GAREM2: variants seen among roughly 807,000 people sequenced by gnomAD.
The protein encoded by GAREM2 is GRB2 associated regulator of MAPK1 subtype 2, also known as GRB2-associated and regulator of MAPK protein 2.
In GAREM2, 30 loss-of-function variants were observed where a neutral mutation model predicts 55.6. The observed-to-expected ratio is 0.54, with a 90% CI of 0.40 to 0.73. GAREM2 has a LOEUF of 0.73. Among genes scored for constraint, GAREM2 ranks in the 30% least tolerant of loss-of-function variants. The pLI is 0.00. For synonymous variants in GAREM2, 550 were observed against 569.1 expected, an observed-to-expected ratio of 0.97 and a Z score of 0.48; for missense variants, 1,075 against 1,257.7, an observed-to-expected ratio of 0.85 and a Z score of 2.20.
chr2:26,184,844 CG>C lies in GAREM2; in HGVS notation c.1000del (p.Asp334ThrfsTer64), dbSNP rs1415496711. 1 of 1,474,306 alleles carries C rather than the reference CG, an allele frequency of 6.8e-7. No homozygotes were observed. Among genetic ancestry groups the C allele is most frequent in the Non-Finnish European group, 8.9e-7 (1 of 1,121,458 alleles). 91.3% of individuals were successfully genotyped at this position (1,474,306 alleles called of 1,614,324 possible). The part of the protein sequence containing the change: ...RFALPQGLLA[G>X]DPRVERLVRD... ...TCGCGCTGCCGCAGGGCCTGCTGGCCGGGGACCCGCGCGTCGAGCGCCTGGT... is the reference window on the plus strand; with the variant it reads ...TCGCGCTGCCGCAGGGCCTGCTGGCCGGGACCCGCGCGTCGAGCGCCTGGT... On this transcript the variant is annotated frameshift_variant, in exon 4 of 6. Transcript: ENST00000401533. LOFTEE classifies it high-confidence loss of function.
chr2:26,173,641 C>T (rs1164077012), intron 1 of GAREM2, among the ~76,000 whole-genome samples: 1 of 146,852 alleles, frequency 6.8e-6, no homozygotes, highest in Non-Finnish European at 1.5e-5. Context: ...GCCCCCCTTT[C>T]CCCCGCTGCC....
At chr2:26,201,096 C>CT in the GAREM2 span, 2 of 1,355,304 alleles carry the variant, frequency 1.5e-6, no homozygotes, top group African/African-American at 1.4e-5. Flanking sequence ...AAAAAAATCT[C>CT]TGTGTTTTCT....
Position 26,187,311 on chromosome 2 carries a change from G to A in GAREM2, c.1679G>A (p.Cys560Tyr). ...LYCYPCTWGD[C>Y]KVGESSSRPA... ...TGCTACCCATGCACCTGGGGAGACT[G>A]CAAGGTGGGCGAGTCCTCTAGCCGC... The change falls in exon 6 of 6, where the codon TGC becomes TAC. Residue 560 changes from cysteine (C) to tyrosine (Y), a missense_variant. Transcript: ENST00000401533. 1.3e-6 allele frequency: 2 copies of A among 1,524,512 alleles called. No homozygotes were observed. The highest frequency in any genetic ancestry group is 8.8e-7 in the Non-Finnish European group (1 of 1,133,622). 94.4% of individuals were successfully genotyped at this position (1,524,512 alleles called of 1,614,324 possible).
intron 2 of GAREM2, chr2:26,182,388 A>T (rs1387118135): frequency 6.5e-7 from 1 of 1,546,740 alleles, no homozygotes; most frequent in Non-Finnish European, 8.7e-7. Context: ...CTGGGGTCAG[A>T]GTGGTTCTCC....
At chr2:26,192,186 A>G (rs1669526353), downstream of GAREM2, 1 of 663,564 alleles carries the variant, frequency 1.5e-6, no homozygotes, top group African/African-American at 1.8e-5. Context: ...CCTATGTAAC[A>G]AACCTGCACA....
chr2:26,193,841 C>G, downstream of GAREM2: 1 of 1,244,114 alleles, frequency 8.0e-7, no homozygotes, highest in Non-Finnish European at 1.2e-6. Context: ...GCTCCCTGTA[C>G]TGGCTCCAAA....
intron 2 of GAREM2, chr2:26,181,446 C>G (rs947040365): frequency 1.3e-5 from 2 of 152,202 alleles, no homozygotes; most frequent in African/African-American, 4.8e-5. Flanking sequence ...GCCTACCTAG[C>G]CGTCTTGTAA....
the GAREM2 span, chr2:26,197,678 G>T: frequency 8.2e-7 from 1 of 1,222,008 alleles, no homozygotes; most frequent in Non-Finnish European, 1.2e-6. Flanking sequence ...GTTTTTCTCT[G>T]TTCCGAGTTT....
At chr2:26,176,118 G>T (rs1668857191) in intron 1 of GAREM2, among the ~76,000 whole-genome samples, 2 of 152,180 alleles carry the variant, frequency 1.3e-5, no homozygotes, top group Non-Finnish European at 2.9e-5. Context: ...TGAACGAGGG[G>T]CCCCGTCGGG....
At position 26,176,484 on chromosome 2, in the gene GAREM2, G is replaced by T. The variant is rs1177889514; in HGVS notation, c.253G>T (p.Gly85Trp). The T allele has an allele frequency of 6.5e-6, 10 of 1,542,832 alleles. No homozygotes were observed. Residue 85 changes from glycine (G) to tryptophan (W), a missense_variant and splice_region_variant, in exon 2 of 6, where the codon GGG becomes TGG. Physicochemically the swap from Gly to Trp is radical, Grantham distance 184 (BLOSUM62 -2). Coordinates refer to ENST00000401533, the MANE Select transcript of GAREM2 (RefSeq NM_001168241.2). ...GATCGACATCCCCCTGCAGTACCCA[G>T]GTGTGTCCAGCCAGGACAGATGTCA... ...PKIDIPLQYPGKFKLLEQARD... is the reference protein window; with the variant it reads ...PKIDIPLQYPWKFKLLEQARD...
Position 26,187,259 on chromosome 2 carries a change from C to T in GAREM2, c.1627C>T (p.Pro543Ser), listed in dbSNP as rs1669294426. 2 of 1,453,834 alleles carry T rather than the reference C, an allele frequency of 1.4e-6. No homozygotes were observed. The highest frequency in any genetic ancestry group is 2.7e-5 in the Admixed American group (1 of 36,542). The allele number at this position is 1,453,834 out of a possible 1,614,324, so 90.1% of individuals were successfully genotyped here. ...GAGSRSGSGS[P>S]SPDTYSLYCY... ...GGGTTCCCGCAGTGGCAGTGGCTCC[C>T]CATCGCCGGACACCTACTCCCTCTA... Residue 543 changes from proline (P) to serine (S), a missense_variant, in exon 6 of 6, where the codon CCA (proline) becomes TCA (serine). Transcript: ENST00000401533.
downstream of GAREM2, chr2:26,190,784 GCA>G (rs146500488): frequency 3.2e-3 from 802 of 252,156 alleles, 4 homozygotes; most frequent in African/African-American, 0.017. Flanking sequence ...CTAGAATTCT[GCA>G]CACACATTCT....
downstream of GAREM2, chr2:26,193,505 CTCTT>C: frequency 8.0e-7 from 1 of 1,251,422 alleles, no homozygotes; most frequent in Non-Finnish European, 1.2e-6. Flanking sequence ...GCTTCTGTAA[CTCTT>C]TGGTCTCAGG....
chr2:26,177,017 G>T (rs147438878), intron 2 of GAREM2, among the ~76,000 whole-genome samples: 1 of 152,326 alleles, frequency 6.6e-6, no homozygotes, highest in Non-Finnish European at 1.5e-5. Flanking sequence ...GACTTCTAAA[G>T]ATTATGCTAA....
downstream of GAREM2, chr2:26,192,235 T>C: frequency 1.3e-6 from 1 of 749,208 alleles, no homozygotes; most frequent in Admixed American, 2.1e-5. Context: ...AAAAAAAAAA[T>C]GGAAGAGGGG....
downstream of GAREM2, chr2:26,193,789 G>T: frequency 6.2e-7 from 1 of 1,607,994 alleles, no homozygotes; most frequent in Non-Finnish European, 8.5e-7. Flanking sequence ...AGGAAGCGAT[G>T]CAGGGACCTC....
chr2:26,184,924 C>T lies in GAREM2; in HGVS notation c.1076C>T (p.Thr359Met), dbSNP rs936532313. ...RERFDPDEYS[T>M]AVREAPAELA... ...CGCTTCGACCCCGACGAGTACTCCA[C>T]GGCCGTGCGCGAGGCGCCAGCGGAG... Residue 359 changes from threonine (T) to methionine (M), a missense_variant, in exon 4 of 6, where the codon ACG becomes ATG. By Grantham distance (81) the Thr-to-Met change is moderately conservative. Around this residue, in one of 6 missense-constraint regions of GAREM2, gnomAD observed 170 missense variants for 220.7 expected, o/e 0.77. Transcript: ENST00000401533. 91 of 1,333,774 alleles carry T rather than the reference C, an allele frequency of 6.8e-5. No individual in the cohort carries two copies. The African/African-American group carries it at 1.4e-3, about 20-fold the overall frequency. 82.6% of individuals were successfully genotyped at this position (1,333,774 alleles called of 1,614,324 possible).
intron 2 of GAREM2, among the ~76,000 whole-genome samples, chr2:26,178,733 G>A (rs966874413): frequency 1.3e-5 from 2 of 152,264 alleles, no homozygotes; most frequent in Middle Eastern, 3.4e-3. Flanking sequence ...GGGAACCGTG[G>A]GTCCGGGGGC....
At chr2:26,185,861 T>G (rs1322974737) in intron 4 of GAREM2, among the ~76,000 whole-genome samples, 1 of 152,198 alleles carries the variant, frequency 6.6e-6, no homozygotes, top group Non-Finnish European at 1.5e-5. Flanking sequence ...GTCCTCTGCT[T>G]TCTCTCCTTT....
Sources: allele counts gnomAD v4.1 joint callset (sites outside exome capture counted in the v4.1 genomes callset), GRCh38; gene constraint gnomAD v4.1.1; regional missense constraint gnomAD v4.1.1; transcripts MANE v1.5; gene names NCBI Gene and HGNC (gene_info 2026-07-23, HGNC 2026-07-21).